Variants in DNHD1 observed in about 807,000 individuals in gnomAD.
DNHD1 encodes the protein dynein heavy chain domain-containing protein 1.
DNHD1 carries 383 observed loss-of-function variants against 458.1 expected under a neutral mutation model. The ratio of observed to expected loss-of-function variants is 0.84; its 90% CI spans 0.77 to 0.91. The LOEUF is 0.91. Ranked by LOEUF, DNHD1 falls within the 40% of genes least tolerant of loss-of-function variation. DNHD1 has a pLI of 0.00. For missense variants in DNHD1, 5,336 were observed against 5,866.1 expected, an observed-to-expected ratio of 0.91 and a Z score of 2.95; for synonymous variants, 2,203 against 2,376.9, an observed-to-expected ratio of 0.93 and a Z score of 2.13.
chr11:6,534,504 T>C lies in DNHD1; in HGVS notation c.2998+331T>C, dbSNP rs140047541. Among the ~76,000 whole-genome samples, 205 of 152,272 alleles carry C rather than the reference T, an allele frequency of 1.3e-3. 2 individuals are homozygous for C. The highest frequency in any genetic ancestry group is 4.7e-3 in the African/African-American group (196 of 41,552). ...TTCTCCTTATAGAACGTAGCCTTTT[T>C]GTAGCCCTGTTCAACACAGTCCTAC... is the stretch of plus-strand genomic sequence containing the variant. On this transcript the variant is annotated intron_variant, in intron 14 of 42. Transcript: ENST00000254579.
At chr11:6,522,081 C>G (rs1191909455) in intron 10 of DNHD1, among the ~76,000 whole-genome samples, 1 of 152,154 alleles carries the variant, frequency 6.6e-6, no homozygotes, top group African/African-American at 2.4e-5. Flanking sequence ...TTGCATTTCT[C>G]TAATGATCCA....
rs1318919497 is a variant in DNHD1, at chr11:6,570,928, G to A, written c.13416G>A (p.Val4472=). ...ACGAGTCCGACGCCCCGTGGTCAGT[G>A]CTGGGGCCAAATGCACGGCGGCCTC... ...RQDESDAPWS[V]LGPNARRPLE... The change falls in exon 42 of 43, where the codon GTG becomes GTA. Residue 4472 remains valine (V), a synonymous_variant. Coordinates refer to ENST00000254579, the MANE Select transcript of DNHD1 (RefSeq NM_144666.3). 6.2e-7 allele frequency: 1 copy of A among 1,610,774 alleles called. No individual in the cohort carries two copies. Among genetic ancestry groups the A allele is most frequent in the East Asian group, 2.2e-5 (1 of 44,794 alleles).
intron 24 of DNHD1, among the ~76,000 whole-genome samples, chr11:6,555,335 A>G (rs1480995905): frequency 6.6e-6 from 1 of 152,180 alleles, no homozygotes; most frequent in Non-Finnish European, 1.5e-5. Context: ...AGGATTAAGT[A>G]AAAATCTTTG....
In DNHD1 at chr11:6,520,022, C is replaced by T; in HGVS notation, c.1705C>T (p.Leu569=). 1 of 1,614,204 alleles carries T rather than the reference C, an allele frequency of 6.2e-7. No individual in the cohort carries two copies. Residue 569 remains leucine (L), a synonymous_variant, in exon 9 of 43, where the codon CTG becomes TTG. Coordinates refer to ENST00000254579, the MANE Select transcript of DNHD1 (RefSeq NM_144666.3). ...GCTGGTCTTTGATGATCATGGTCAACTGTCTCATGTGCCCTGTGTTGAAAA... is the reference window on the plus strand; with the variant it reads ...GCTGGTCTTTGATGATCATGGTCAATTGTCTCATGTGCCCTGTGTTGAAAA... ...SQLVFDDHGQ[L]SHVPCVENMI...
intron 17 of DNHD1, among the ~76,000 whole-genome samples, chr11:6,539,563 A>G (rs1853047649): frequency 6.6e-6 from 1 of 152,216 alleles, no homozygotes; most frequent in African/African-American, 2.4e-5. Flanking sequence ...TTGTGGGCAC[A>G]CAGAATGGCA....
intron 24 of DNHD1, among the ~76,000 whole-genome samples, chr11:6,550,951 G>T (rs1853328187): frequency 1.3e-5 from 2 of 152,058 alleles, no homozygotes; most frequent in African/African-American, 4.8e-5. Context: ...TAACTGATAA[G>T]ACAAGGAGCA....
chr11:6,533,658 G>A (rs761188640), intron 13 of DNHD1, 23 bp from the exon 14 acceptor site: 25 of 1,529,480 alleles, frequency 1.6e-5, no homozygotes, highest in Non-Finnish European at 2.1e-5. Flanking sequence ...GGGGCTGCCG[G>A]TCTCATGCTG....
In DNHD1 at chr11:6,551,706, G is replaced by A. The variant is rs556839878; in HGVS notation, c.7387+2773G>A. 5.9e-5 allele frequency among the ~76,000 whole-genome samples: 9 copies of A among 152,324 alleles called. No homozygotes were observed. In the East Asian group the frequency reaches 1.5e-3, roughly 26 times the overall value. ...GCCTGTAATCCCGGCACTTTGGGAGGCCAAGGAGGGCAGATCACGAGGTCA... is the reference window on the plus strand; with the variant it reads ...GCCTGTAATCCCGGCACTTTGGGAGACCAAGGAGGGCAGATCACGAGGTCA... On this transcript the variant is annotated intron_variant, in intron 24 of 42. Coordinates refer to ENST00000254579, the MANE Select transcript of DNHD1 (RefSeq NM_144666.3).
At chr11:6,512,262 C>A in intron 7 of DNHD1, among the ~76,000 whole-genome samples, 1 of 134,070 alleles carries the variant, frequency 7.5e-6, no homozygotes, top group Admixed American at 7.9e-5. Flanking sequence ...GCTCTGTCAC[C>A]CAGGCTGGAG....
intron 7 of DNHD1, among the ~76,000 whole-genome samples, chr11:6,513,849 C>CTT (rs112302710): frequency 2.1e-5 from 3 of 146,116 alleles, no homozygotes; most frequent in African/African-American, 7.5e-5. Context: ...GCCTTTCATT[C>CTT]TTTTTTTTTT....
intron 13 of DNHD1, 39 bp downstream of exon 13, chr11:6,533,223 G>T (rs1485198921): frequency 2.6e-6 from 4 of 1,541,248 alleles, no homozygotes; most frequent in Non-Finnish European, 3.5e-6. Context: ...TTTATTCAGG[G>T]CCCATCCTGC....
rs1171147230 is a variant in DNHD1 at position 6,498,669 on chromosome 11, C to T, written c.454C>T (p.Gln152Ter). The change falls in exon 3 of 43, where the codon CAG becomes TAG. Residue 152 changes from glutamine to a stop codon, truncating the protein, a stop_gained. Coordinates refer to ENST00000254579, the MANE Select transcript of DNHD1 (RefSeq NM_144666.3). LOFTEE classifies it high-confidence loss of function. ...TGCTTCCCATGCTGACTGCTGTCCC[C>T]AGAAGCGGAGGCTCCATCACAGGCC... ...DSASHADCCP[Q>*]KRRLHHRPPC... The T allele has an allele frequency of 1.9e-6, 3 of 1,614,098 alleles. No homozygotes were observed. In the East Asian group the frequency reaches 6.7e-5, roughly 36 times the overall value.
intron 10 of DNHD1, 106 bp from the exon 11 acceptor site, chr11:6,528,416 T>C: frequency 8.0e-7 from 1 of 1,244,066 alleles, no homozygotes; most frequent in Non-Finnish European, 1.1e-6. Context: ...TGTGTGTGTG[T>C]GTGTGTGTGT....
intron 9 of DNHD1, 66 bp from the exon 10 acceptor site, chr11:6,520,172 C>G: frequency 1.2e-6 from 2 of 1,609,080 alleles, no homozygotes; most frequent in Non-Finnish European, 1.7e-6. Flanking sequence ...ATCAGAAGCT[C>G]ACAACCTGGT....
In DNHD1 at chr11:6,539,940, G is replaced by C; in HGVS notation, c.3485G>C (p.Trp1162Ser). ...QETIRRLQRY[W>S]EARQLRLLNF... ...ACTATACGGCGGTTGCAGCGGTACT[G>C]GGAAGCGCGCCAGCTGCGCCTGCTC... The change falls in exon 18 of 43, where the codon TGG becomes TCG. Residue 1162 changes from tryptophan (W) to serine (S), a missense_variant. This residue lies in a region of DNHD1 where 3,932 missense variants were observed against 4,365.6 expected (regional missense o/e 0.90). Transcript: ENST00000254579. The C allele has an allele frequency of 6.4e-7, 1 of 1,551,742 alleles. No individual in the cohort carries two copies. The highest frequency in any genetic ancestry group is 8.7e-7 in the Non-Finnish European group (1 of 1,146,994).
intron 14 of DNHD1, among the ~76,000 whole-genome samples, chr11:6,537,543 GA>G (rs35094892): frequency 0.034 from 4,835 of 142,310 alleles, 94 homozygotes; most frequent in African/African-American, 0.042. Flanking sequence ...AAGTGATAGA[GA>G]AAAAAAAAAA....
intron 24 of DNHD1, among the ~76,000 whole-genome samples, chr11:6,551,824 A>C (rs750181560): frequency 1.5e-4 from 23 of 151,820 alleles, no homozygotes; most frequent in East Asian, 5.8e-4. Context: ...ACCTGTAATC[A>C]CAGCTACTCG....
rs1281612563 is a variant in DNHD1 at position 6,545,522 on chromosome 11, T to C, written c.4583T>C (p.Leu1528Pro). The change falls in exon 21 of 43, where the codon CTT (leucine) becomes CCT (proline). Residue 1528 changes from leucine (L) to proline (P), a missense_variant. Physicochemically the swap from Leu to Pro is moderately conservative, Grantham distance 98. Around this residue, in one of 4 missense-constraint regions of DNHD1, gnomAD observed 3,932 missense variants for 4,365.6 expected, o/e 0.90. Coordinates refer to ENST00000254579, the MANE Select transcript of DNHD1 (RefSeq NM_144666.3). This position sits in a 1 kb window ranked among gnomAD's most constrained non-coding sequence, Gnocchi z 4.9. ...VWRAEMEEAL[L>P]EWGTLAMVSM... ...CGGGCCGAGATGGAGGAGGCTCTGC[T>C]TGAGTGGGGTACCCTGGCCATGGTC... The C allele has an allele frequency of 6.4e-7, 1 of 1,551,728 alleles. No individual in the cohort carries two copies. The highest frequency in any genetic ancestry group is 8.7e-7 in the Non-Finnish European group (1 of 1,146,974).
Position 6,520,267 on chromosome 11 carries a change from C to T in DNHD1, c.1815C>T (p.Ser605=). The T allele has an allele frequency of 6.4e-7, 1 of 1,552,208 alleles. No homozygotes were observed. Among genetic ancestry groups the T allele is most frequent in the Non-Finnish European group, 8.7e-7 (1 of 1,147,166 alleles). Reference sequence around the variant, plus strand: ...TGCAGTCTGCAGACCTGAAGACCTCCTCGGATTCCCTGTATTCTGAAGGTA... The same window carrying T: ...TGCAGTCTGCAGACCTGAAGACCTCTTCGGATTCCCTGTATTCTGAAGGTA... ...QVVQSADLKT[S]SDSLYSEEED... Residue 605 remains serine (S), a synonymous_variant, in exon 10 of 43, where the codon TCC becomes TCT. Transcript: ENST00000254579.
Sources: gnomAD v4.1 joint callset for allele counts (sites outside exome capture counted in the v4.1 genomes callset) on GRCh38, gnomAD v4.1.1 for gene constraint, gnomAD v4.1.1 regional missense constraint, Gnocchi (gnomAD v3.1) non-coding constraint, MANE v1.5 for transcripts, NCBI Gene and HGNC (gene_info 2026-07-23, HGNC 2026-07-21) for gene names.